SLIT2: variants seen among roughly 807,000 people sequenced by gnomAD.
The protein encoded by SLIT2 is slit homolog 2 protein.
SLIT2 carries 41 observed loss-of-function variants against 185.7 expected under a neutral mutation model. That is an observed-to-expected ratio of 0.22 (90% CI 0.17 to 0.29). The LOEUF (loss-of-function observed/expected upper bound fraction) is 0.29. SLIT2 is among the 10% of genes least tolerant of loss of function. The probability of loss-of-function intolerance (pLI) is 1.00; values close to 1 mark genes in which losing one functional copy is unlikely to be tolerated. For synonymous variants in SLIT2, 693 were observed against 680.2 expected, an observed-to-expected ratio of 1.02 and a Z score of -0.29; for missense variants, 1,571 against 1,909.0, an observed-to-expected ratio of 0.82 and a Z score of 3.30.
chr4:20,406,977 AAAC>A (rs1350287026), intron 4 of SLIT2, among the ~76,000 whole-genome samples: 2 of 152,284 alleles, frequency 1.3e-5, no homozygotes, highest in East Asian at 3.9e-4. Flanking sequence ...ATATAACAAT[AAAC>A]AAATATTGCT....
chr4:20,263,849 C>T (rs962764453), intron 3 of SLIT2, among the ~76,000 whole-genome samples: 2 of 151,836 alleles, frequency 1.3e-5, no homozygotes, highest in Admixed American at 1.3e-4. Flanking sequence ...TCATATTTCT[C>T]AATAGCTGAG....
chr4:20,533,865 T>TAC (rs760661683), intron 18 of SLIT2, 150 bp downstream of exon 18: 104 of 656,750 alleles, frequency 1.6e-4, no homozygotes, highest in African/African-American at 1.3e-3. Context: ...TACACACCGC[T>TAC]ACACACACAC....
intron 25 of SLIT2, chr4:20,552,837 T>C (rs1440180519): frequency 1.3e-5 from 2 of 152,208 alleles, no homozygotes; most frequent in African/African-American, 4.8e-5. Context: ...TGTATGCATC[T>C]ACGGCTTCAA....
At chr4:20,274,016 T>C (rs1374077875) in intron 4 of SLIT2, among the ~76,000 whole-genome samples, 1 of 152,170 alleles carries the variant, frequency 6.6e-6, no homozygotes. Flanking sequence ...GCTGCCATGA[T>C]AGCTACCGCT....
chr4:20,434,542 G>A (rs1729223101), intron 4 of SLIT2, among the ~76,000 whole-genome samples: 1 of 152,088 alleles, frequency 6.6e-6, no homozygotes, highest in African/African-American at 2.4e-5. Context: ...TAGTGTCTCA[G>A]GAAAATTGCA....
chr4:20,278,429 G>T (rs1714385188), intron 4 of SLIT2, among the ~76,000 whole-genome samples: 1 of 152,024 alleles, frequency 6.6e-6, no homozygotes, highest in Non-Finnish European at 1.5e-5. Flanking sequence ...GATGTTATAT[G>T]CTCTACTTAC....
intron 29 of SLIT2, among the ~76,000 whole-genome samples, chr4:20,585,890 G>A (rs911230654): frequency 1.9e-4 from 29 of 152,114 alleles, no homozygotes; most frequent in African/African-American, 6.8e-4. Flanking sequence ...AGTAAAAATG[G>A]CATCATGTCC....
intron 1 of SLIT2, chr4:20,255,041 G>C: frequency 2.2e-6 from 1 of 456,270 alleles, no homozygotes; most frequent in Non-Finnish European, 4.4e-6. Flanking sequence ...TGTGAACGCC[G>C]AGGCCGCCGC....
chr4:20,279,825 T>C (rs1027568329), intron 4 of SLIT2, among the ~76,000 whole-genome samples: 1 of 152,214 alleles, frequency 6.6e-6, no homozygotes, highest in Non-Finnish European at 1.5e-5. Flanking sequence ...TTGTCACATA[T>C]AATTCTTTAA....
At chr4:20,538,838 A>G (rs1192132803) in intron 18 of SLIT2, among the ~76,000 whole-genome samples, 4 of 151,008 alleles carry the variant, frequency 2.6e-5, no homozygotes, top group Non-Finnish European at 5.9e-5. Context: ...TTTATTGTGG[A>G]TATGGGATCT....
intron 4 of SLIT2, among the ~76,000 whole-genome samples, chr4:20,432,326 C>T (rs764544995): frequency 3.3e-5 from 5 of 152,042 alleles, no homozygotes; most frequent in African/African-American, 9.7e-5. Flanking sequence ...AGGGGCGTTA[C>T]GAAGGGATTT....
intron 5 of SLIT2, among the ~76,000 whole-genome samples, chr4:20,469,584 T>TC (rs1279710670): frequency 6.6e-6 from 1 of 152,084 alleles, no homozygotes. Flanking sequence ...CATAATTTTT[T>TC]CTCAGAATTT....
chr4:20,429,968 T>C (rs917538625), intron 4 of SLIT2, among the ~76,000 whole-genome samples: 1 of 152,138 alleles, frequency 6.6e-6, no homozygotes, highest in Non-Finnish European at 1.5e-5. Flanking sequence ...GGATAACAAA[T>C]TATATTTTCA....
intron 4 of SLIT2, among the ~76,000 whole-genome samples, chr4:20,430,920 C>CA (rs1264495701): frequency 6.6e-6 from 1 of 152,188 alleles, no homozygotes; most frequent in Non-Finnish European, 1.5e-5. Context: ...GCTTGACACT[C>CA]ACTAACTCTT....
rs370013710 is a variant in SLIT2 at position 20,591,579 on chromosome 4, T to C, written c.3182+1842T>C. Among the ~76,000 whole-genome samples, 12 of 152,068 alleles carry C rather than the reference T, an allele frequency of 7.9e-5. No individual in the cohort carries two copies. The East Asian group carries it at 9.7e-4, about 12-fold the overall frequency. On this transcript the variant is annotated intron_variant, in intron 30 of 36. Coordinates refer to ENST00000504154, the MANE Select transcript of SLIT2 (RefSeq NM_004787.4). The stretch of plus-strand genomic sequence containing the variant: ...TTTACAACCCTAGGCAAAAACCCAG[T>C]GTTATTCCATTTTCACTTTATACAA...
chr4:20,306,071 C>T (rs1717519849), intron 4 of SLIT2, among the ~76,000 whole-genome samples: 1 of 151,802 alleles, frequency 6.6e-6, no homozygotes, highest in African/African-American at 2.4e-5. Flanking sequence ...AATCTTGATC[C>T]TTCTGGAAGA....
At chr4:20,373,653 A>G (rs1560364889) in intron 4 of SLIT2, among the ~76,000 whole-genome samples, 1 of 152,116 alleles carries the variant, frequency 6.6e-6, no homozygotes, top group Non-Finnish European at 1.5e-5. Flanking sequence ...TCACTTGATA[A>G]ATATGTATTG....
chr4:20,268,678 A>C (rs1713288609), intron 3 of SLIT2, 132 bp from the exon 4 acceptor site: 1 of 689,456 alleles, frequency 1.5e-6, no homozygotes. Flanking sequence ...TTTGATTTGC[A>C]ATGCTTGAAT....
chr4:20,407,434 G>A (rs1450497916), intron 4 of SLIT2, among the ~76,000 whole-genome samples: 2 of 152,128 alleles, frequency 1.3e-5, no homozygotes, highest in African/African-American at 4.8e-5. Flanking sequence ...ACTAACAAAT[G>A]TTCTAGAAAC....
Sources: allele counts gnomAD v4.1 joint callset (sites outside exome capture counted in the v4.1 genomes callset), GRCh38; gene constraint gnomAD v4.1.1; transcripts MANE v1.5; gene names NCBI Gene and HGNC (gene_info 2026-07-23, HGNC 2026-07-21).